Variants in RAD50 observed in about 807,000 individuals in gnomAD.
RAD50 encodes the protein RAD50 double strand break repair protein.
Under a neutral mutation model 168.8 loss-of-function variants are expected in RAD50, and 132 were observed. That is an observed-to-expected ratio of 0.78 (90% confidence interval 0.68 to 0.90). The LOEUF is 0.90. Ranked by LOEUF, RAD50 falls within the 40% of genes least tolerant of loss-of-function variation. The pLI, the probability that RAD50 is intolerant of heterozygous loss-of-function variation, is 0.00. For missense variants in RAD50, 1,347 were observed against 1,534.4 expected (o/e 0.88, Z 2.04); for synonymous variants, 525 against 497.4 (o/e 1.06, Z -0.74).
chr5:132,603,780 A>G, intron 14 of RAD50, 140 bp from the exon 15 acceptor site: 1 of 880,876 alleles, frequency 1.1e-6, no homozygotes, highest in South Asian at 1.8e-5. Context: ...CTTTTATCCT[A>G]TTAAACTTTG....
intron 21 of RAD50, among the ~76,000 whole-genome samples, chr5:132,620,053 C>T (rs556567089): frequency 9.9e-5 from 15 of 151,444 alleles, no homozygotes; most frequent in African/African-American, 3.6e-4. Flanking sequence ...TACAGGCGCC[C>T]GCCACTACGC....
In RAD50 at chr5:132,587,590, T is replaced by G. The variant is rs201728859; in HGVS notation, c.785T>G (p.Leu262Arg). The G allele has an allele frequency of 1.0e-4, 168 of 1,613,148 alleles. 1 individual carries two copies. Among genetic ancestry groups the G allele is most frequent in the Non-Finnish European group, 1.4e-4 (161 of 1,179,714 alleles). Reference protein sequence around the residue: ...KNRLKEIEHNLSKIMKLDNEI... With the variant: ...KNRLKEIEHNRSKIMKLDNEI... ...CGTCTAAAAGAAATTGAACATAATC[T>G]CTCTAAAATAATGAAACTTGACAAT... Residue 262 changes from leucine (L) to arginine (R), a missense_variant, in exon 6 of 25, where the codon CTC becomes CGC. By Grantham distance (102) the Leu-to-Arg change is moderately radical. Transcript: ENST00000378823.
In RAD50 at chr5:132,589,643, G is replaced by A. The variant is rs977594501; in HGVS notation, c.1258G>A (p.Glu420Lys). 1.3e-6 allele frequency: 2 copies of A among 1,589,724 alleles called. No homozygotes were observed. Among genetic ancestry groups the A allele is most frequent in the African/African-American group, 2.7e-5 (2 of 73,690 alleles). ...CATATGCATTTAGAATGACTTTGCAGAAAAAGAGACTCTGAAACAAAAACA... is the reference window on the plus strand; with the variant it reads ...CATATGCATTTAGAATGACTTTGCAAAAAAAGAGACTCTGAAACAAAAACA... ...TANQLMNDFA[E>K]KETLKQKQID... The change falls in exon 9 of 25, where the codon GAA becomes AAA. Residue 420 changes from glutamate to lysine, a missense_variant. This residue lies in a region of RAD50 where 703 missense variants were observed against 767.7 expected (regional missense o/e 0.92). Transcript: ENST00000378823.
At chr5:132,605,430 G>A (rs148217626) in intron 16 of RAD50, among the ~76,000 whole-genome samples, 85 of 150,674 alleles carry the variant, frequency 5.6e-4, no homozygotes, top group Middle Eastern at 3.5e-3. Flanking sequence ...CTGCAGCCTC[G>A]ACCTCCTGAG....
chr5:132,617,944 CTG>C (rs1751205413), intron 20 of RAD50, 124 bp from the exon 21 acceptor site: 4 of 827,046 alleles, frequency 4.8e-6, no homozygotes. Context: ...AGGAGAGACT[CTG>C]TTATAATATA....
chr5:132,608,077 G>A (rs1253209997), intron 16 of RAD50, among the ~76,000 whole-genome samples: 3 of 152,218 alleles, frequency 2.0e-5, no homozygotes, highest in Non-Finnish European at 4.4e-5. Context: ...TTAACAGTAT[G>A]CTTTTATTAC....
At chr5:132,610,104 A>C (rs1258957215) in intron 19 of RAD50, among the ~76,000 whole-genome samples, 1 of 151,628 alleles carries the variant, frequency 6.6e-6, no homozygotes, top group Non-Finnish European at 1.5e-5. Flanking sequence ...TTTTTCACTT[A>C]ACATAATTTG....
chr5:132,595,871 C>T, intron 13 of RAD50, 61 bp downstream of exon 13: 2 of 1,450,668 alleles, frequency 1.4e-6, no homozygotes, highest in South Asian at 1.1e-5. Context: ...GTACCCATCT[C>T]ATGCCTGGGC....
chr5:132,601,293 C>T (rs576056017), intron 13 of RAD50, among the ~76,000 whole-genome samples: 28 of 152,280 alleles, frequency 1.8e-4, no homozygotes, highest in Admixed American at 1.2e-3. Context: ...CCGTCACACC[C>T]GGCCAGAAAA....
At chr5:132,641,769 TA>T (rs2149866527) in intron 24 of RAD50, 1 of 181,328 alleles carries the variant, frequency 5.5e-6, no homozygotes, top group South Asian at 1.3e-4. Context: ...TTATTACTTT[TA>T]AATTTTTCTT....
Position 132,579,438 on chromosome 5 carries a change from A to G in RAD50, c.487A>G (p.Asn163Asp), listed in dbSNP as rs876659820. The change falls in exon 4 of 25, where the codon AAT becomes GAT. Residue 163 changes from asparagine (N) to aspartate (D), a missense_variant. Physicochemically the swap from Asn to Asp is conservative, Grantham distance 23 (BLOSUM62 1). Around this residue, in one of 3 missense-constraint regions of RAD50, gnomAD observed 703 missense variants for 767.7 expected, o/e 0.92. Coordinates refer to ENST00000378823, the MANE Select transcript of RAD50 (RefSeq NM_005732.4). ...NVIFCHQEDS[N>D]WPLSEGKALK... ...CATTTTCTGTCATCAAGAAGATTCT[A>G]ATTGGCCTTTAAGTGAAGGAAAGGC... The G allele has an allele frequency of 5.6e-6, 9 of 1,613,994 alleles. No homozygotes were observed. Among genetic ancestry groups the G allele is most frequent in the Non-Finnish European group, 7.6e-6 (9 of 1,179,898 alleles).
At position 132,609,173 on chromosome 5, in the gene RAD50, G is replaced by T; in HGVS notation, c.2886G>T (p.Glu962Asp). The T allele has an allele frequency of 6.2e-7, 1 of 1,611,672 alleles. No individual in the cohort carries two copies. The highest frequency in any genetic ancestry group is 1.3e-5 in the African/African-American group (1 of 74,968). ...KNIHGYMKDIENYIQDGKDDY... is the reference protein window; with the variant it reads ...KNIHGYMKDIDNYIQDGKDDY... ...TTCATGGCTATATGAAAGACATTGAGAATTATATTCAAGATGGGAAAGACG... is the reference window on the plus strand; with the variant it reads ...TTCATGGCTATATGAAAGACATTGATAATTATATTCAAGATGGGAAAGACG... The change falls in exon 18 of 25, where the codon GAG becomes GAT. Residue 962 changes from glutamate to aspartate, a missense_variant. Around this residue, in one of 3 missense-constraint regions of RAD50, gnomAD observed 635 missense variants for 739.2 expected, o/e 0.86. Transcript: ENST00000378823.
At chr5:132,637,027 ATATAT>A (rs1751593924) in intron 21 of RAD50, 83 bp from the exon 22 acceptor site, 8 of 947,892 alleles carry the variant, frequency 8.4e-6, no homozygotes, top group Non-Finnish European at 1.1e-5. Flanking sequence ...TCTATTTTTT[ATATAT>A]TATATATTTT....
intron 2 of RAD50, among the ~76,000 whole-genome samples, chr5:132,561,242 G>T (rs1439639934): frequency 1.3e-5 from 2 of 152,070 alleles, no homozygotes; most frequent in East Asian, 1.9e-4. Context: ...GCCCAGGCTG[G>T]AGTGCAGTGT....
intron 16 of RAD50, among the ~76,000 whole-genome samples, chr5:132,605,901 G>A (rs1326614903): frequency 6.6e-6 from 1 of 151,436 alleles, no homozygotes; most frequent in African/African-American, 2.4e-5. Flanking sequence ...ACGAAATGAA[G>A]GCAGAAATAA....
chr5:132,622,120 A>T (rs1751296460), intron 21 of RAD50, among the ~76,000 whole-genome samples: 1 of 151,546 alleles, frequency 6.6e-6, no homozygotes, highest in African/African-American at 2.4e-5. Flanking sequence ...TTTTTTCTAT[A>T]AGTTCTATTT....
intron 21 of RAD50, among the ~76,000 whole-genome samples, chr5:132,634,343 CT>C (rs145931809): frequency 1.3e-5 from 2 of 150,842 alleles, no homozygotes; most frequent in Non-Finnish European, 3.0e-5. Flanking sequence ...GAATAGGATC[CT>C]TTTTTTTTCT....
intron 1 of RAD50, 40 bp downstream of exon 1, chr5:132,557,493 C>T: frequency 6.2e-7 from 1 of 1,612,686 alleles, no homozygotes; most frequent in Non-Finnish European, 8.5e-7. Flanking sequence ...CAGGTCGCTA[C>T]ATCTTTCGGA....
chr5:132,595,040 G>A lies in RAD50; in HGVS notation c.1965G>A (p.Gln655=), dbSNP rs553522173. 1.9e-6 allele frequency: 3 copies of A among 1,611,334 alleles called. No homozygotes were observed. The highest frequency in any genetic ancestry group is 1.7e-4 in the Middle Eastern group (1 of 6,020). Residue 655 remains glutamine, a synonymous_variant, in exon 12 of 25, where the codon CAG becomes CAA. Transcript: ENST00000378823. ...LKEEIEKSSK[Q]RAMLAGATAV... is the part of the protein sequence containing the mutation. ...AGGAAATTGAAAAATCATCAAAACA[G>A]CGAGGTAAGTTGTCTACTTTATATT...
Sources: gnomAD v4.1 joint callset for allele counts (sites outside exome capture counted in the v4.1 genomes callset) on GRCh38, gnomAD v4.1.1 for gene constraint, gnomAD v4.1.1 regional missense constraint, MANE v1.5 for transcripts, NCBI Gene and HGNC (gene_info 2026-07-23, HGNC 2026-07-21) for gene names.